The following BCAS1 variants were observed in gnomAD, a reference collection of about 807,000 sequenced individuals.
The protein encoded by BCAS1 is breast carcinoma-amplified sequence 1.
BCAS1 carries 46 observed loss-of-function variants against 65.4 expected under a neutral mutation model. The observed-to-expected ratio is 0.70, with a 90% CI of 0.55 to 0.90. BCAS1 has a LOEUF of 0.90. Among genes scored for constraint, BCAS1 ranks in the 40% least tolerant of loss-of-function variants. BCAS1 has a pLI of 0.00. For synonymous variants in BCAS1, 298 were observed against 293.5 expected, an observed-to-expected ratio of 1.02 and a Z score of -0.16; for missense variants, 793 against 771.2, an observed-to-expected ratio of 1.03 and a Z score of -0.33.
At chr20:53,954,336 G>GAGAGAGAGAGAGAGAGAGAGAGAGA (rs1159772238) in intron 11 of BCAS1, among the ~76,000 whole-genome samples, 3 of 84,008 alleles carry the variant, frequency 3.6e-5, no homozygotes, top group East Asian at 2.8e-4. Flanking sequence ...AGAGAGAGAG[G>GAGAGAGAGAGAGAGAGAGAGAGAGA]GACCAGGCAT....
chr20:54,065,121 T>TATC (rs36105922), intron 1 of BCAS1, among the ~76,000 whole-genome samples: 12 of 131,930 alleles, frequency 9.1e-5, no homozygotes. Context: ...ATCATCTATC[T>TATC]ATCTATCTAT....
intron 8 of BCAS1, among the ~76,000 whole-genome samples, chr20:53,977,015 C>T (rs1243084433): frequency 6.6e-6 from 1 of 152,164 alleles, no homozygotes; most frequent in Admixed American, 6.5e-5. Flanking sequence ...ACTCACAGTT[C>T]CACATGGCTG....
At chr20:54,051,941 G>A (rs549114719) in intron 3 of BCAS1, among the ~76,000 whole-genome samples, 2 of 152,018 alleles carry the variant, frequency 1.3e-5, no homozygotes, top group African/African-American at 2.4e-5. Context: ...GTTTCACCAC[G>A]TTGGCCAGGC....
chr20:54,018,420 G>A (rs370431766), intron 4 of BCAS1, among the ~76,000 whole-genome samples: 6 of 121,274 alleles, frequency 4.9e-5, no homozygotes, highest in Admixed American at 8.9e-5. Flanking sequence ...TTTTTTTTTC[G>A]AGACAGAGTC....
At chr20:53,953,217 TG>T (rs1309888505) in intron 12 of BCAS1, among the ~76,000 whole-genome samples, 3 of 152,184 alleles carry the variant, frequency 2.0e-5, no homozygotes, top group African/African-American at 7.2e-5. Context: ...ATAAAAAATC[TG>T]GTTCAGAGAG....
At chr20:54,008,557 T>C (rs2091252312) in intron 4 of BCAS1, among the ~76,000 whole-genome samples, 1 of 152,170 alleles carries the variant, frequency 6.6e-6, no homozygotes, top group African/African-American at 2.4e-5. Flanking sequence ...GAAACCTGGA[T>C]GTTTGCCTCC....
intron 8 of BCAS1, among the ~76,000 whole-genome samples, chr20:53,982,249 A>G (rs2090501227): frequency 6.6e-6 from 1 of 152,204 alleles, no homozygotes; most frequent in African/African-American, 2.4e-5. Context: ...AAACTCAAAT[A>G]GTGTAAATAA....
chr20:53,944,886 T>C lies in BCAS1; in HGVS notation c.*36A>G, dbSNP rs2089257029. Reference sequence around the variant, plus strand: ...ATGGAGTAAGGAGAACACATCTTGGTGGCAGGAGAACCTGGTGGGAACCGT... The same window carrying C: ...ATGGAGTAAGGAGAACACATCTTGGCGGCAGGAGAACCTGGTGGGAACCGT... On this transcript the variant is annotated 3_prime_UTR_variant, in exon 13 of 13. Transcript: ENST00000688948. The C allele has an allele frequency of 5.0e-6, 8 of 1,585,988 alleles. No individual in the cohort carries two copies. Among genetic ancestry groups the C allele is most frequent in the African/African-American group, 1.3e-5 (1 of 74,302 alleles).
chr20:54,006,589 A>G (rs997005891), intron 4 of BCAS1, among the ~76,000 whole-genome samples: 1 of 152,096 alleles, frequency 6.6e-6, no homozygotes, highest in African/African-American at 2.4e-5. Context: ...GCATGCCTGT[A>G]ATCCCAGCTA....
intron 3 of BCAS1, among the ~76,000 whole-genome samples, chr20:54,035,080 G>A (rs892130651): frequency 6.6e-6 from 1 of 151,258 alleles, no homozygotes; most frequent in Admixed American, 6.6e-5. Flanking sequence ...CCGGCTAGCT[G>A]TACACAGAAG....
chr20:53,967,893 G>C (rs527365110), intron 9 of BCAS1, among the ~76,000 whole-genome samples: 1 of 152,378 alleles, frequency 6.6e-6, no homozygotes, highest in South Asian at 2.1e-4. Context: ...CCACAGGACA[G>C]AGTGAATTGG....
At chr20:53,974,913 G>A (rs111627342) in intron 9 of BCAS1, among the ~76,000 whole-genome samples, 10 of 152,274 alleles carry the variant, frequency 6.6e-5, no homozygotes, top group African/African-American at 2.2e-4. Flanking sequence ...TCAAGTCAGC[G>A]CTCTAACCTG....
At chr20:54,020,006 A>G (rs1412057221) in intron 4 of BCAS1, among the ~76,000 whole-genome samples, 3 of 152,246 alleles carry the variant, frequency 2.0e-5, no homozygotes, top group Non-Finnish European at 4.4e-5. Flanking sequence ...TCCCTTTCAC[A>G]TATACGTCTA....
intron 3 of BCAS1, among the ~76,000 whole-genome samples, chr20:54,030,673 A>T (rs563117658): frequency 6.6e-6 from 1 of 151,458 alleles, no homozygotes; most frequent in African/African-American, 2.4e-5. Context: ...CAGTGTCTAG[A>T]CTAAACAACA....
chr20:54,042,046 T>G (rs1053278411), intron 3 of BCAS1, among the ~76,000 whole-genome samples: 4 of 152,108 alleles, frequency 2.6e-5, no homozygotes. Context: ...TAACTTCCAC[T>G]TCTAAAATGT....
chr20:54,060,025 T>C (rs565655078), intron 1 of BCAS1, among the ~76,000 whole-genome samples: 1 of 152,282 alleles, frequency 6.6e-6, no homozygotes, highest in Non-Finnish European at 1.5e-5. Flanking sequence ...AGAGTTAACA[T>C]AGGAACAATA....
chr20:54,064,376 A>G (rs1455097037), intron 1 of BCAS1, among the ~76,000 whole-genome samples: 4 of 152,194 alleles, frequency 2.6e-5, no homozygotes, highest in African/African-American at 9.6e-5. Flanking sequence ...AAACCCACGG[A>G]TTCTCAGACG....
intron 4 of BCAS1, among the ~76,000 whole-genome samples, chr20:54,022,450 T>A (rs1056573650): frequency 1.3e-5 from 2 of 152,212 alleles, no homozygotes; most frequent in Non-Finnish European, 2.9e-5. Flanking sequence ...TACAGTTTTA[T>A]TTAGCATGAC....
In BCAS1 at chr20:53,953,543, G is replaced by A; in HGVS notation, c.1704C>T (p.Ala568=). Residue 568 remains alanine (A), a synonymous_variant, in exon 12 of 13, where the codon GCC becomes GCT. Coordinates refer to ENST00000688948, the MANE Select transcript of BCAS1 (RefSeq NM_001366298.2). The part of the protein sequence containing the change: ...KSNKQEAKEP[A]QCTEQATVDT... ...CCACCGTGGCCTGCTCTGTGCACTG[G>A]GCTGGTTCTTTGGCTTCCTGCTTGT... 6 of 1,613,800 alleles carry A rather than the reference G, an allele frequency of 3.7e-6. No homozygotes were observed. The highest frequency in any genetic ancestry group is 5.1e-6 in the Non-Finnish European group (6 of 1,179,960).
Sources: allele counts gnomAD v4.1 joint callset (sites outside exome capture counted in the v4.1 genomes callset), GRCh38; gene constraint gnomAD v4.1.1; transcripts MANE v1.5; gene names NCBI Gene and HGNC (gene_info 2026-07-23, HGNC 2026-07-21).